RAB30: variants seen among roughly 807,000 people sequenced by gnomAD.
RAB30 encodes ras-related protein Rab-30.
In RAB30, 9 loss-of-function variants were observed where a neutral mutation model predicts 25.1. The ratio of observed to expected loss-of-function variants is 0.36; its 90% CI spans 0.22 to 0.63. The LOEUF is 0.63. Among genes scored for constraint, RAB30 ranks in the 20% least tolerant of loss-of-function variants. RAB30 has a pLI of 0.69. For synonymous variants in RAB30, 77 were observed against 86.4 expected, an observed-to-expected ratio of 0.89 and a Z score of 0.60; for missense variants, 140 against 243.5, an observed-to-expected ratio of 0.58 and a Z score of 2.83.
intron 4 of RAB30, among the ~76,000 whole-genome samples, chr11:82,985,415 A>G (rs996908588): frequency 6.6e-6 from 1 of 152,220 alleles, no homozygotes; most frequent in Non-Finnish European, 1.5e-5. Flanking sequence ...TGCCTGTTCT[A>G]TGAGAACTAC....
At chr11:83,068,600 CCT>C (rs1453918429) in intron 1 of RAB30, among the ~76,000 whole-genome samples, 4 of 152,218 alleles carry the variant, frequency 2.6e-5, no homozygotes, top group Non-Finnish European at 5.9e-5. Context: ...CCTCTGCCCA[CCT>C]CTCCAGCCTC....
intron 3 of RAB30, among the ~76,000 whole-genome samples, chr11:82,993,002 C>G (rs1856889637): frequency 6.6e-6 from 1 of 152,186 alleles, no homozygotes; most frequent in African/African-American, 2.4e-5. Flanking sequence ...AGCCACTGTA[C>G]CAGGCCTTGG....
intron 1 of RAB30, among the ~76,000 whole-genome samples, chr11:82,998,005 G>A (rs1361459230): frequency 6.6e-6 from 1 of 152,072 alleles, no homozygotes; most frequent in African/African-American, 2.4e-5. Context: ...TCTGCACCTT[G>A]AAGTCCTTGA....
At chr11:83,046,252 T>C (rs546341668) in intron 1 of RAB30, among the ~76,000 whole-genome samples, 114 of 152,210 alleles carry the variant, frequency 7.5e-4, no homozygotes, top group Non-Finnish European at 1.4e-3. Context: ...AGATTCATAC[T>C]TCCCTCGGGA....
At position 82,987,546 on chromosome 11, in the gene RAB30, T is replaced by G. The variant is rs773637160; in HGVS notation, c.361+41A>C. The stretch of plus-strand genomic sequence containing the variant: ...CTTTATGTGATTATAAATCCTCTAA[T>G]GCCCACAAATCAATTTCCCTCCTCG... On this transcript the variant is annotated intron_variant, in intron 4 of 4. Coordinates refer to ENST00000527633, the MANE Select transcript of RAB30 (RefSeq NM_001286060.2). The G allele has an allele frequency of 1.9e-6, 3 of 1,552,534 alleles. No individual in the cohort carries two copies. In the Admixed American group the frequency reaches 5.2e-5, roughly 27 times the overall value.
At chr11:83,051,149 T>C (rs1235756044) in intron 1 of RAB30, among the ~76,000 whole-genome samples, 1 of 152,116 alleles carries the variant, frequency 6.6e-6, no homozygotes, top group Non-Finnish European at 1.5e-5. Context: ...CCATGTGAGA[T>C]CCTTCCATCT....
intron 4 of RAB30, 35 bp from the exon 5 acceptor site, chr11:82,982,450 A>G: frequency 6.3e-7 from 1 of 1,599,408 alleles, no homozygotes; most frequent in Non-Finnish European, 8.5e-7. Context: ...AAGAATCAGC[A>G]TTTGACTTTT....
chr11:83,064,286 T>C (rs908660226), intron 1 of RAB30, among the ~76,000 whole-genome samples: 2 of 152,118 alleles, frequency 1.3e-5, no homozygotes, highest in African/African-American at 4.8e-5. Flanking sequence ...CTTCATATTT[T>C]TTGTAGAGAC....
chr11:83,056,284 T>C (rs933480238), intron 1 of RAB30, among the ~76,000 whole-genome samples: 6 of 152,222 alleles, frequency 3.9e-5, no homozygotes, highest in Non-Finnish European at 7.3e-5. Context: ...AAATGTGTTT[T>C]TTTGTGACTG....
intron 1 of RAB30, among the ~76,000 whole-genome samples, chr11:83,033,385 A>G (rs1314138506): frequency 6.6e-6 from 1 of 151,784 alleles, no homozygotes; most frequent in Non-Finnish European, 1.5e-5. Context: ...TTCTTAAATG[A>G]CACAAAGCTG....
intron 1 of RAB30, among the ~76,000 whole-genome samples, chr11:83,065,854 A>G (rs1858684666): frequency 6.6e-6 from 1 of 152,210 alleles, no homozygotes; most frequent in Non-Finnish European, 1.5e-5. Context: ...GCTCAAAGAG[A>G]TTAAGTAATT....
At chr11:83,042,307 C>T (rs1858142074) in intron 1 of RAB30, among the ~76,000 whole-genome samples, 1 of 152,048 alleles carries the variant, frequency 6.6e-6, no homozygotes, top group Admixed American at 6.6e-5. Context: ...AATCCTAGCA[C>T]TTTGGGAGGC....
At chr11:83,009,410 AG>A (rs1419051904) in intron 1 of RAB30, among the ~76,000 whole-genome samples, 1 of 152,168 alleles carries the variant, frequency 6.6e-6, no homozygotes, top group Non-Finnish European at 1.5e-5. Flanking sequence ...TCTCTTTCAA[AG>A]AGTTCCAGAT....
At chr11:83,064,469 C>T (rs1385470514) in intron 1 of RAB30, among the ~76,000 whole-genome samples, 1 of 152,150 alleles carries the variant, frequency 6.6e-6, no homozygotes, top group Non-Finnish European at 1.5e-5. Context: ...GTACCTTTTC[C>T]CTTCGATTTG....
At chr11:83,007,569 C>G (rs73508502) in intron 1 of RAB30, among the ~76,000 whole-genome samples, 74 of 152,266 alleles carry the variant, frequency 4.9e-4, no homozygotes, top group African/African-American at 1.3e-3. Flanking sequence ...GAATTATCTT[C>G]TGGTGCTCTT....
intron 1 of RAB30, among the ~76,000 whole-genome samples, chr11:83,015,997 T>A (rs551680453): frequency 6.6e-6 from 1 of 151,850 alleles, no homozygotes; most frequent in East Asian, 1.9e-4. Context: ...AATTAGCTGG[T>A]CATGGTGGCA....
chr11:83,020,031 G>A (rs11600848), intron 1 of RAB30, among the ~76,000 whole-genome samples: 1 of 152,136 alleles, frequency 6.6e-6, no homozygotes, highest in African/African-American at 2.4e-5. Context: ...GAGCTGGCGA[G>A]AGCCAGGGAC....
rs187259391 is a variant in RAB30, at chr11:83,036,155, T to C, written c.-9+35536A>G. Among the ~76,000 whole-genome samples, 38 of 150,726 alleles carry C rather than the reference T, an allele frequency of 2.5e-4. No homozygotes were observed. In the East Asian group the frequency reaches 7.4e-3, roughly 29 times the overall value. On this transcript the variant is annotated intron_variant, in intron 1 of 4. Transcript: ENST00000527633. ...AAAGTCACACAGGAAGTGGCAAAGC[T>C]CAGGTTCAAATTCTTTTTTTTTTTT...
intron 1 of RAB30, among the ~76,000 whole-genome samples, chr11:83,005,533 C>A (rs1857166673): frequency 6.6e-6 from 1 of 152,036 alleles, no homozygotes; most frequent in Non-Finnish European, 1.5e-5. Context: ...AAACCCAGGT[C>A]TTTGTGGAAA....
Sources: gnomAD v4.1 joint callset for allele counts (sites outside exome capture counted in the v4.1 genomes callset) on GRCh38, gnomAD v4.1.1 for gene constraint, MANE v1.5 for transcripts, NCBI Gene and HGNC (gene_info 2026-07-23, HGNC 2026-07-21) for gene names.